Variants in PTPRZ1 observed in about 807,000 individuals in gnomAD.
PTPRZ1 encodes receptor-type tyrosine-protein phosphatase zeta.
Under a neutral mutation model 214.1 loss-of-function variants are expected in PTPRZ1, and 82 were observed. That is an observed-to-expected ratio of 0.38 (90% CI 0.32 to 0.46). PTPRZ1 has a LOEUF of 0.46. Among genes scored for constraint, PTPRZ1 ranks in the 20% least tolerant of loss-of-function variants. The pLI is 1.00. For missense variants in PTPRZ1, 2,603 were observed against 2,748.7 expected, an observed-to-expected ratio of 0.95 and a Z score of 1.19; for synonymous variants, 945 against 987.9, an observed-to-expected ratio of 0.96 and a Z score of 0.81.
intron 1 of PTPRZ1, among the ~76,000 whole-genome samples, chr7:121,897,372 G>GA (rs889984428): frequency 7.3e-5 from 11 of 150,708 alleles, no homozygotes; most frequent in South Asian, 6.3e-4. Flanking sequence ...AGTCTCTATG[G>GA]AAAAAAAAAT....
chr7:121,995,798 G>A lies in PTPRZ1; in HGVS notation c.929-584G>A, dbSNP rs538762945. Among the ~76,000 whole-genome samples, 6 of 152,178 alleles carry A rather than the reference G, an allele frequency of 3.9e-5. No homozygotes were observed. In the South Asian group the frequency reaches 8.3e-4, roughly 21 times the overall value. On this transcript the variant is annotated intron_variant, in intron 8 of 29. Transcript: ENST00000393386. ...GGATTGTCTAATAACAAAATGTTCC[G>A]ATAATAGTATGTCTTTCATAATTGA...
At chr7:121,916,761 C>T (rs1172498546) in intron 1 of PTPRZ1, among the ~76,000 whole-genome samples, 2 of 152,170 alleles carry the variant, frequency 1.3e-5, no homozygotes, top group Non-Finnish European at 2.9e-5. Context: ...CCCAGTAAGA[C>T]CCAGTGCTGT....
At chr7:122,045,041 C>G (rs1403573539) in intron 23 of PTPRZ1, among the ~76,000 whole-genome samples, 1 of 152,122 alleles carries the variant, frequency 6.6e-6, no homozygotes, top group African/African-American at 2.4e-5. Context: ...CCCAGTTTCT[C>G]CCCCTCACCC....
intron 1 of PTPRZ1, among the ~76,000 whole-genome samples, chr7:121,893,252 A>C (rs1306694463): frequency 6.6e-6 from 1 of 152,166 alleles, no homozygotes; most frequent in African/African-American, 2.4e-5. Flanking sequence ...CATGCCCAAA[A>C]AAACCCCAAA....
chr7:122,009,999 AC>A (rs1251059480), intron 11 of PTPRZ1, among the ~76,000 whole-genome samples: 18 of 152,184 alleles, frequency 1.2e-4, no homozygotes, highest in African/African-American at 4.3e-4. Context: ...AAATATAAAA[AC>A]AATAAAATAA....
intron 1 of PTPRZ1, among the ~76,000 whole-genome samples, chr7:121,892,032 T>C (rs1794643475): frequency 6.6e-6 from 1 of 152,194 alleles, no homozygotes; most frequent in Admixed American, 6.5e-5. Context: ...TTTTACATTT[T>C]CTTTGGATAG....
Position 122,013,694 on chromosome 7 carries a change from G to A in PTPRZ1, c.4648G>A (p.Gly1550Arg). 1 of 1,614,182 alleles carries A rather than the reference G, an allele frequency of 6.2e-7. No individual in the cohort carries two copies. The highest frequency in any genetic ancestry group is 8.5e-7 in the Non-Finnish European group (1 of 1,180,018). ...WAVLTSDEES[G>R]SGQGTSDSLN... ...AGTTCTGACAAGTGATGAAGAAAGT[G>A]GATCAGGGCAAGGTACCTCAGATAG... Residue 1550 changes from glycine to arginine, a missense_variant, in exon 12 of 30, where the codon GGA (glycine) becomes AGA (arginine). This residue lies in a region of PTPRZ1 where 1,913 missense variants were observed against 1,914.3 expected (regional missense o/e 1.00). Transcript: ENST00000393386.
intron 2 of PTPRZ1, among the ~76,000 whole-genome samples, chr7:121,964,895 G>A (rs1016077436): frequency 3.0e-4 from 46 of 152,202 alleles, no homozygotes; most frequent in African/African-American, 8.9e-4. Context: ...ATGGAAGCCA[G>A]TGTGGCTGGA....
intron 1 of PTPRZ1, among the ~76,000 whole-genome samples, chr7:121,905,677 A>ACACACACACACACACACACACACACACAC (rs368191821): frequency 6.6e-6 from 1 of 151,776 alleles, no homozygotes; most frequent in African/African-American, 2.4e-5. Flanking sequence ...ACACACACAC[A>ACACACACACACACACACACACACACACAC]AATGGTGGGC....
chr7:121,972,156 G>A (rs1033649557), intron 3 of PTPRZ1, among the ~76,000 whole-genome samples: 3 of 130,286 alleles, frequency 2.3e-5, no homozygotes, highest in Non-Finnish European at 4.9e-5. Context: ...CTGAGGAGAA[G>A]ACTTATTTTT....
intron 1 of PTPRZ1, among the ~76,000 whole-genome samples, chr7:121,892,146 T>C (rs1458970712): frequency 3.3e-5 from 5 of 152,196 alleles, no homozygotes; most frequent in Admixed American, 3.3e-4. Flanking sequence ...GTTGGGCTGT[T>C]CCTTGAAGCA....
At chr7:121,991,460 G>T (rs1305793191) in intron 8 of PTPRZ1, among the ~76,000 whole-genome samples, 1 of 152,160 alleles carries the variant, frequency 6.6e-6, no homozygotes. Context: ...GGACAGAGTA[G>T]CATAAAGGGA....
rs771542228 is a variant in PTPRZ1, at chr7:121,996,428, T to C, written c.975T>C (p.Tyr325=). 6 of 1,612,484 alleles carry C rather than the reference T, an allele frequency of 3.7e-6. No homozygotes were observed. The highest frequency in any genetic ancestry group is 1.7e-5 in the Admixed American group (1 of 59,948). ...ATGTTCAGGCTGACCCAGAGAATTATACCAGCCTTCTTGTTACATGGGAAA... is the reference window on the plus strand; with the variant it reads ...ATGTTCAGGCTGACCCAGAGAATTACACCAGCCTTCTTGTTACATGGGAAA... ...PENVQADPEN[Y]TSLLVTWERP... The change falls in exon 9 of 30, where the codon TAT becomes TAC. Residue 325 remains tyrosine (Y), a synonymous_variant. Transcript: ENST00000393386.
intron 3 of PTPRZ1, among the ~76,000 whole-genome samples, chr7:121,971,237 T>A (rs760394848): frequency 1.3e-4 from 20 of 152,338 alleles, no homozygotes; most frequent in Non-Finnish European, 2.2e-4. Flanking sequence ...AAAATCTTTA[T>A]AGAAATCCCT....
At chr7:121,999,928 C>T (rs1019903488) in intron 10 of PTPRZ1, among the ~76,000 whole-genome samples, 17 of 151,748 alleles carry the variant, frequency 1.1e-4, no homozygotes, top group East Asian at 3.9e-4. Flanking sequence ...TTTAAAGGAC[C>T]GGGACACTAT....
At chr7:121,937,757 A>G (rs1268897765) in intron 2 of PTPRZ1, among the ~76,000 whole-genome samples, 3 of 152,182 alleles carry the variant, frequency 2.0e-5, no homozygotes, top group Non-Finnish European at 2.9e-5. Flanking sequence ...CTAATTTAGT[A>G]GAATAACTTC....
At chr7:121,973,940 G>GAAAAAAAAAAA (rs371692415) in intron 4 of PTPRZ1, among the ~76,000 whole-genome samples, 9 of 86,164 alleles carry the variant, frequency 1.0e-4, no homozygotes, top group Middle Eastern at 0.012. Context: ...TCTCAAAAAA[G>GAAAAAAAAAAA]AAAAAAAAAA....
chr7:121,995,678 A>G (rs1798109780), intron 8 of PTPRZ1, among the ~76,000 whole-genome samples: 1 of 152,346 alleles, frequency 6.6e-6, no homozygotes, highest in East Asian at 1.9e-4. Flanking sequence ...TATGATAACA[A>G]AATGGGATTT....
At chr7:121,975,473 C>T (rs1372067765) in intron 4 of PTPRZ1, among the ~76,000 whole-genome samples, 1 of 152,132 alleles carries the variant, frequency 6.6e-6, no homozygotes, top group Non-Finnish European at 1.5e-5. Context: ...TGGTGACTCG[C>T]CCAAAGCAGG....
Sources: gnomAD v4.1 joint callset for allele counts (sites outside exome capture counted in the v4.1 genomes callset) on GRCh38, gnomAD v4.1.1 for gene constraint, gnomAD v4.1.1 regional missense constraint, MANE v1.5 for transcripts, NCBI Gene and HGNC (gene_info 2026-07-23, HGNC 2026-07-21) for gene names.